CFAP251: variants seen among roughly 807,000 people sequenced by gnomAD.
The protein encoded by CFAP251 is cilia- and flagella-associated protein 251.
CFAP251 carries 93 observed loss-of-function variants against 126.7 expected under a neutral mutation model. The ratio of observed to expected loss-of-function variants is 0.73; its 90% confidence interval spans 0.62 to 0.87. The LOEUF is 0.87. CFAP251 is among the 40% of genes least tolerant of loss of function. The pLI, the probability that CFAP251 is intolerant of heterozygous loss-of-function variation, is 0.00. For missense variants in CFAP251, 1,287 were observed against 1,389.2 expected, an observed-to-expected ratio of 0.93 and a Z score of 1.17; for synonymous variants, 503 against 506.9, an observed-to-expected ratio of 0.99 and a Z score of 0.10.
At chr12:121,940,323 C>T (rs892185115) in intron 5 of CFAP251, among the ~76,000 whole-genome samples, 4 of 152,178 alleles carry the variant, frequency 2.6e-5, no homozygotes, top group Non-Finnish European at 4.4e-5. Flanking sequence ...TCACTAAGGA[C>T]TTCACTGTGT....
chr12:121,926,121 T>C (rs1414354749), intron 3 of CFAP251, among the ~76,000 whole-genome samples: 1 of 143,988 alleles, frequency 6.9e-6, no homozygotes, highest in Non-Finnish European at 1.5e-5. Flanking sequence ...CGCCTAGGCC[T>C]CCCAGAGTGC....
rs779997657 is a variant in CFAP251, at chr12:121,954,258, G to A, written c.1459G>A (p.Gly487Ser). The change falls in exon 10 of 22, where the codon GGC (glycine) becomes AGC (serine). Residue 487 changes from glycine to serine, a missense_variant. Coordinates refer to ENST00000288912, the MANE Select transcript of CFAP251 (RefSeq NM_144668.6). Reference sequence around the variant, plus strand: ...ACCCTCATCTGCCTCCACCTTTTTGGGCTTTCCCTATATCAAGCCTTGTAA... The same window carrying A: ...ACCCTCATCTGCCTCCACCTTTTTGAGCTTTCCCTATATCAAGCCTTGTAA... ...RPPSSASTFLGFPYIKPCKLV... is the reference protein window; with the variant it reads ...RPPSSASTFLSFPYIKPCKLV... 3.7e-6 allele frequency: 6 copies of A among 1,614,038 alleles called. No individual in the cohort carries two copies. The highest frequency in any genetic ancestry group is 4.5e-5 in the East Asian group (2 of 44,884).
intron 14 of CFAP251, among the ~76,000 whole-genome samples, chr12:121,961,099 T>A (rs980393573): frequency 6.6e-6 from 1 of 152,130 alleles, no homozygotes; most frequent in African/African-American, 2.4e-5. Context: ...TGTCCATCAG[T>A]TGGGGCCAGG....
chr12:121,957,291 C>T, intron 11 of CFAP251, 23 bp downstream of exon 11: 1 of 1,585,486 alleles, frequency 6.3e-7, no homozygotes, highest in Non-Finnish European at 8.6e-7. Context: ...TGAATCTAGT[C>T]ATTAGAATGG....
At chr12:121,958,189 T>C in intron 11 of CFAP251, 83 bp from the exon 12 acceptor site, 1 of 1,566,042 alleles carries the variant, frequency 6.4e-7, no homozygotes, top group East Asian at 2.3e-5. Flanking sequence ...CAGAGGCGTT[T>C]TATGTGCAAT....
At chr12:121,961,395 T>TCCATCCGTCCATCCAC (rs1347652265) in intron 14 of CFAP251, among the ~76,000 whole-genome samples, 5 of 144,174 alleles carry the variant, frequency 3.5e-5, no homozygotes, top group African/African-American at 1.3e-4. Flanking sequence ...CATCCATCCA[T>TCCATCCGTCCATCCAC]CCATCCGTCC....
chr12:121,921,262 T>A, intron 1 of CFAP251, 24 bp from the exon 2 acceptor site: 1 of 1,528,482 alleles, frequency 6.5e-7, no homozygotes, highest in Non-Finnish European at 8.7e-7. Flanking sequence ...GGCCAGCTGG[T>A]TATTATGGTC....
In CFAP251 at chr12:121,966,961, G is replaced by A. The variant is rs559061329; in HGVS notation, c.2499G>A (p.Thr833=). The A allele has an allele frequency of 9.9e-6, 16 of 1,613,740 alleles. No individual in the cohort carries two copies. In the African/African-American group the frequency reaches 1.2e-4, roughly 12 times the overall value. ...TTTCTCTTTTTGCCTTCAGAAAGAC[G>A]CTTCTGGGGCCAGCTTATGGTTCCC... The part of the protein sequence containing the change: ...FNATTKMCRK[T]LLGPAYGSPI... The change falls in exon 16 of 22, where the codon ACG becomes ACA. Residue 833 remains threonine, a synonymous_variant. Transcript: ENST00000288912.
At chr12:122,000,073 C>CA in intron 20 of CFAP251, 129 bp downstream of exon 20, 1 of 853,504 alleles carries the variant, frequency 1.2e-6, no homozygotes, top group Non-Finnish European at 1.8e-6. Context: ...AGATTTGAGC[C>CA]ATGAGGGGTC....
chr12:121,954,636 TAAA>T (rs1174239421), intron 10 of CFAP251, among the ~76,000 whole-genome samples: 88 of 41,974 alleles, frequency 2.1e-3, no homozygotes, highest in South Asian at 0.018. Flanking sequence ...CCTCCTGTCT[TAAA>T]AAAAAAAAAA....
intron 15 of CFAP251, among the ~76,000 whole-genome samples, chr12:121,963,348 G>A (rs1163451005): frequency 1.3e-5 from 2 of 152,072 alleles, no homozygotes; most frequent in African/African-American, 2.4e-5. Flanking sequence ...ATAGCTTTGA[G>A]ATAAACCAGG....
intron 7 of CFAP251, among the ~76,000 whole-genome samples, chr12:121,946,027 C>T (rs1196863760): frequency 1.3e-5 from 2 of 152,202 alleles, no homozygotes; most frequent in Non-Finnish European, 1.5e-5. Context: ...AGTAACTTCT[C>T]ATTGTCCTCA....
chr12:121,965,623 T>C (rs1882093935), intron 15 of CFAP251, among the ~76,000 whole-genome samples: 1 of 152,094 alleles, frequency 6.6e-6, no homozygotes, highest in African/African-American at 2.4e-5. Context: ...CTCTGTGTAA[T>C]GACGTGGAAA....
intron 17 of CFAP251, chr12:121,971,790 C>T (rs1321711955): frequency 3.5e-6 from 2 of 571,692 alleles, no homozygotes; most frequent in African/African-American, 1.9e-5. Context: ...ACCCAAATCT[C>T]ATCTTGAATT....
chr12:121,952,432 A>T (rs1592980997), intron 9 of CFAP251, among the ~76,000 whole-genome samples: 1 of 152,074 alleles, frequency 6.6e-6, no homozygotes, highest in African/African-American at 2.4e-5. Flanking sequence ...AAAAAAAAAA[A>T]AATGAATGAA....
intron 4 of CFAP251, chr12:121,932,861 A>C (rs752382543): frequency 6.6e-6 from 1 of 152,370 alleles, no homozygotes; most frequent in Non-Finnish European, 1.5e-5. Flanking sequence ...CACTGAACAC[A>C]GTGGTGATGG....
chr12:121,933,624 C>G (rs1880776277), intron 4 of CFAP251: 1 of 152,340 alleles, frequency 6.6e-6, no homozygotes, highest in South Asian at 2.1e-4. Flanking sequence ...TTGAGGCCAG[C>G]CTGGGCAACA....
intron 8 of CFAP251, chr12:121,950,749 G>T (rs993225763): frequency 1.3e-5 from 2 of 151,260 alleles, no homozygotes; most frequent in Non-Finnish European, 2.9e-5. Flanking sequence ...GTAGAGACGG[G>T]GTTTCTCCAT....
At chr12:121,943,998 TGAG>T (rs1361973606) in intron 7 of CFAP251, among the ~76,000 whole-genome samples, 2 of 152,322 alleles carry the variant, frequency 1.3e-5, no homozygotes, top group Admixed American at 6.5e-5. Flanking sequence ...AAACTAACTC[TGAG>T]GAGTATAGGG....
Sources: allele counts gnomAD v4.1 joint callset (sites outside exome capture counted in the v4.1 genomes callset), GRCh38; gene constraint gnomAD v4.1.1; transcripts MANE v1.5; gene names NCBI Gene and HGNC (gene_info 2026-07-23, HGNC 2026-07-21).